Variants in SLC39A11 observed in about 807,000 individuals in gnomAD.
The protein encoded by SLC39A11 is zinc transporter ZIP11.
A neutral mutation model predicts 36.1 loss-of-function variants in SLC39A11; 33 were observed. The observed-to-expected ratio is 0.91, with a 90% CI of 0.69 to 1.22. The LOEUF (loss-of-function observed/expected upper bound fraction) is 1.22. SLC39A11 is among the 50% of genes most tolerant of loss of function. The pLI, the probability that SLC39A11 is intolerant of heterozygous loss-of-function variation, is 0.00. For missense variants in SLC39A11, 432 were observed against 430.3 expected (o/e 1.00, Z -0.03); for synonymous variants, 166 against 170.3 (o/e 0.97, Z 0.20).
chr17:73,084,920 T>G (rs1490911486), intron 2 of SLC39A11, 74 bp from the exon 3 acceptor site: 1 of 1,521,096 alleles, frequency 6.6e-7, no homozygotes, highest in African/African-American at 1.4e-5. Context: ...GAAGAAACCA[T>G]AAGGCCCAAA....
At chr17:73,076,181 T>C (rs2060314907) in intron 3 of SLC39A11, among the ~76,000 whole-genome samples, 2 of 147,740 alleles carry the variant, frequency 1.4e-5, no homozygotes, top group Non-Finnish European at 3.0e-5. Flanking sequence ...AAGTCAAGGC[T>C]AGACACAAGT....
At chr17:72,872,530 C>A (rs1031812766) in intron 5 of SLC39A11, among the ~76,000 whole-genome samples, 1 of 152,180 alleles carries the variant, frequency 6.6e-6, no homozygotes, top group Non-Finnish European at 1.5e-5. Flanking sequence ...GATGAAACTG[C>A]CTTTGCGAAA....
At chr17:72,909,913 T>A (rs1414081402) in intron 5 of SLC39A11, among the ~76,000 whole-genome samples, 2 of 143,652 alleles carry the variant, frequency 1.4e-5, no homozygotes, top group East Asian at 4.0e-4. Context: ...GCCCGGCTAC[T>A]TTTTTTTTTT....
intron 4 of SLC39A11, among the ~76,000 whole-genome samples, chr17:72,968,359 C>T (rs537520701): frequency 2.6e-5 from 4 of 152,302 alleles, no homozygotes; most frequent in Admixed American, 2.6e-4. Flanking sequence ...GACGATCTCT[C>T]TCTCTCTCTT....
At chr17:72,999,887 C>T (rs146095177) in intron 4 of SLC39A11, among the ~76,000 whole-genome samples, 5 of 152,086 alleles carry the variant, frequency 3.3e-5, no homozygotes, top group Admixed American at 6.5e-5. Context: ...ATTACAGGCA[C>T]GCGCCACCAC....
In SLC39A11 at chr17:72,961,748, G is replaced by A. The variant is rs1360630243; in HGVS notation, c.307-13873C>T. Among the ~76,000 whole-genome samples, 4 of 152,088 alleles carry A rather than the reference G, an allele frequency of 2.6e-5. 1 individual carries two copies. Among genetic ancestry groups the A allele is most frequent in the African/African-American group, 9.7e-5 (4 of 41,392 alleles). ...CACTGGGGCCTGTCAGGAGGTGGGG[G>A]GCTGGGGGAGGGATAATATTAAAAG... On this transcript the variant is annotated intron_variant, in intron 4 of 9. Transcript: ENST00000255559.
intron 6 of SLC39A11, chr17:72,823,866 T>G (rs189803076): frequency 6.6e-6 from 1 of 151,392 alleles, no homozygotes; most frequent in Non-Finnish European, 1.5e-5. Context: ...GTGCTGTTTC[T>G]TGCAGCTAAA....
At chr17:73,034,140 A>T (rs1160675264) in intron 3 of SLC39A11, among the ~76,000 whole-genome samples, 1 of 152,214 alleles carries the variant, frequency 6.6e-6, no homozygotes, top group Non-Finnish European at 1.5e-5. Context: ...TAGCTTTAGA[A>T]TTCAACAGCC....
chr17:72,798,391 G>C (rs2076967088), intron 6 of SLC39A11, among the ~76,000 whole-genome samples: 1 of 149,940 alleles, frequency 6.7e-6, no homozygotes, highest in South Asian at 2.1e-4. Flanking sequence ...GAGAGACTGA[G>C]CTCTGGTCTC....
At chr17:72,717,698 G>A (rs775163480) in intron 7 of SLC39A11, among the ~76,000 whole-genome samples, 6 of 152,148 alleles carry the variant, frequency 3.9e-5, no homozygotes, top group Non-Finnish European at 7.4e-5. Context: ...AGATCCTACC[G>A]CCAAATAAGG....
chr17:72,685,742 A>G (rs377151051), intron 7 of SLC39A11, among the ~76,000 whole-genome samples: 3 of 152,098 alleles, frequency 2.0e-5, no homozygotes, highest in African/African-American at 7.2e-5. Flanking sequence ...TCTGCATCAG[A>G]TCTATCCACA....
chr17:72,658,548 C>T (rs2070254705), intron 7 of SLC39A11, among the ~76,000 whole-genome samples: 1 of 152,190 alleles, frequency 6.6e-6, no homozygotes, highest in African/African-American at 2.4e-5. Flanking sequence ...CTACCCCCCA[C>T]CCATCACCCA....
chr17:72,705,702 C>A (rs1405878343), intron 7 of SLC39A11, among the ~76,000 whole-genome samples: 1 of 152,220 alleles, frequency 6.6e-6, no homozygotes, highest in South Asian at 2.1e-4. Flanking sequence ...TGTGACCCAG[C>A]AGTTCCCTGG....
At chr17:72,867,899 C>T (rs1390142058) in intron 5 of SLC39A11, among the ~76,000 whole-genome samples, 1 of 152,190 alleles carries the variant, frequency 6.6e-6, no homozygotes, top group African/African-American at 2.4e-5. Context: ...TGGGATCCTA[C>T]ATAAGCAAAC....
At chr17:72,735,587 C>G (rs2074393148) in intron 7 of SLC39A11, among the ~76,000 whole-genome samples, 1 of 152,182 alleles carries the variant, frequency 6.6e-6, no homozygotes, top group Non-Finnish European at 1.5e-5. Flanking sequence ...ACTGTGAATT[C>G]AAGTACCTTT....
chr17:72,660,369 T>C lies in SLC39A11; in HGVS notation c.672-11101A>G, dbSNP rs943063433. Among the ~76,000 whole-genome samples, 41 of 152,234 alleles carry C rather than the reference T, an allele frequency of 2.7e-4. 1 individual carries two copies. Among genetic ancestry groups the C allele is most frequent in the Admixed American group, 2.7e-3 (41 of 15,288 alleles). On this transcript the variant is annotated intron_variant, in intron 7 of 9. Coordinates refer to ENST00000255559, the MANE Select transcript of SLC39A11 (RefSeq NM_139177.4). ...TGGGCGTGCTTGTAAGCATATTACA[T>C]GTAACAACATGCCTTGCCCCTCAAC...
intron 6 of SLC39A11, among the ~76,000 whole-genome samples, chr17:72,757,658 T>A (rs1235100870): frequency 3.3e-5 from 5 of 150,046 alleles, no homozygotes; most frequent in Non-Finnish European, 4.4e-5. Flanking sequence ...TTTTTTTTTT[T>A]ATCCCTTCCT....
chr17:72,914,472 T>G (rs964672126), intron 5 of SLC39A11, among the ~76,000 whole-genome samples: 5 of 152,110 alleles, frequency 3.3e-5, no homozygotes, highest in Non-Finnish European at 5.9e-5. Flanking sequence ...GATGTGCATA[T>G]AGGTTATATG....
intron 7 of SLC39A11, among the ~76,000 whole-genome samples, chr17:72,657,847 A>C (rs2070206499): frequency 6.6e-6 from 1 of 152,236 alleles, no homozygotes; most frequent in Non-Finnish European, 1.5e-5. Context: ...CAATGGTCTG[A>C]TGCAAATTTT....
Sources: gnomAD v4.1 joint callset for allele counts (sites outside exome capture counted in the v4.1 genomes callset) on GRCh38, gnomAD v4.1.1 for gene constraint, MANE v1.5 for transcripts, NCBI Gene and HGNC (gene_info 2026-07-23, HGNC 2026-07-21) for gene names.